CCSER1: variants seen among roughly 807,000 people sequenced by gnomAD.
The protein encoded by CCSER1 is coiled-coil serine rich protein 1.
A neutral mutation model predicts 82.0 loss-of-function variants in CCSER1; 41 were observed. The ratio of observed to expected loss-of-function variants is 0.50; its 90% confidence interval spans 0.39 to 0.65. The LOEUF (loss-of-function observed/expected upper bound fraction) is 0.65. Ranked by LOEUF, CCSER1 falls within the 30% of genes least tolerant of loss-of-function variation. The pLI, the probability that CCSER1 is intolerant of heterozygous loss-of-function variation, is 0.00. For synonymous variants in CCSER1, 414 were observed against 383.9 expected, an observed-to-expected ratio of 1.08 and a Z score of -0.92; for missense variants, 1,119 against 1,064.2, an observed-to-expected ratio of 1.05 and a Z score of -0.72.
chr4:90,663,228 T>G (rs1731141213), intron 6 of CCSER1, among the ~76,000 whole-genome samples: 1 of 152,226 alleles, frequency 6.6e-6, no homozygotes, highest in African/African-American at 2.4e-5. Context: ...TTTCTATACC[T>G]TGTAAACATT....
chr4:91,226,828 T>G, intron 10 of CCSER1, among the ~76,000 whole-genome samples: 1 of 151,908 alleles, frequency 6.6e-6, no homozygotes, highest in East Asian at 1.9e-4. Context: ...TTTAGAGCAT[T>G]ATATACTTTC....
chr4:91,510,771 G>A (rs1402548412), intron 10 of CCSER1, among the ~76,000 whole-genome samples: 1 of 152,032 alleles, frequency 6.6e-6, no homozygotes, highest in African/African-American at 2.4e-5. Context: ...CATTCTATAG[G>A]TTGTATACTC....
chr4:90,850,576 C>T (rs749612482), intron 8 of CCSER1, among the ~76,000 whole-genome samples: 3 of 152,220 alleles, frequency 2.0e-5, no homozygotes, highest in Non-Finnish European at 2.9e-5. Context: ...GGTTTAATGA[C>T]TGCCCTATTA....
At chr4:90,183,021 C>T (rs1354266185) in intron 1 of CCSER1, among the ~76,000 whole-genome samples, 1 of 151,834 alleles carries the variant, frequency 6.6e-6, no homozygotes, top group Non-Finnish European at 1.5e-5. Context: ...GTTTTATCTC[C>T]TCAATTTTCT....
At chr4:90,489,837 C>A (rs1767692779) in intron 5 of CCSER1, among the ~76,000 whole-genome samples, 2 of 152,150 alleles carry the variant, frequency 1.3e-5, no homozygotes, top group Admixed American at 1.3e-4. Context: ...CATGTCCCTA[C>A]AAAGGACATG....
chr4:90,427,561 C>T (rs1757698133), intron 4 of CCSER1, among the ~76,000 whole-genome samples: 1 of 151,526 alleles, frequency 6.6e-6, no homozygotes, highest in African/African-American at 2.4e-5. Flanking sequence ...CATTCACTAT[C>T]TAATTGTTGT....
At position 90,714,249 on chromosome 4, in the gene CCSER1, C is replaced by T. The variant is rs140988329; in HGVS notation, c.1933-9665C>T. Among the ~76,000 whole-genome samples the T allele has an allele frequency of 6.6e-3, 1,006 of 151,790 alleles. 11 individuals are homozygous for T. Among genetic ancestry groups the T allele is most frequent in the African/African-American group, 0.023 (971 of 41,404 alleles). ...TTGTTCCTTTTTCTATCTATTTATT[C>T]GTTTATTCCTTTTTCTAGTTTGTAC... On this transcript the variant is annotated intron_variant, in intron 6 of 10. Coordinates refer to ENST00000509176, the MANE Select transcript of CCSER1 (RefSeq NM_001145065.2).
At chr4:90,494,873 T>A (rs1768731743) in intron 5 of CCSER1, among the ~76,000 whole-genome samples, 1 of 151,552 alleles carries the variant, frequency 6.6e-6, no homozygotes, top group Admixed American at 6.6e-5. Flanking sequence ...TTTTTTTTCC[T>A]TCAAAATACT....
intron 3 of CCSER1, among the ~76,000 whole-genome samples, chr4:90,391,287 G>A (rs7693239): frequency 0.23 from 15,719 of 68,622 alleles, 2,623 homozygotes; most frequent in African/African-American, 0.62. Context: ...AAAAAAAAAA[G>A]AAAAAAAAAG....
At chr4:90,446,892 C>T (rs1352513668) in intron 4 of CCSER1, among the ~76,000 whole-genome samples, 2 of 152,164 alleles carry the variant, frequency 1.3e-5, no homozygotes, top group African/African-American at 2.4e-5. Context: ...TGATCCACTT[C>T]CACTCAATAC....
intron 2 of CCSER1, among the ~76,000 whole-genome samples, chr4:90,310,038 T>C (rs1004474045): frequency 7.2e-5 from 11 of 152,136 alleles, no homozygotes; most frequent in African/African-American, 2.4e-4. Flanking sequence ...CACTATAAAA[T>C]TTGTATAATT....
chr4:91,023,447 A>G (rs1740195216), intron 9 of CCSER1, among the ~76,000 whole-genome samples: 1 of 152,212 alleles, frequency 6.6e-6, no homozygotes, highest in Non-Finnish European at 1.5e-5. Context: ...TGGTACTGGT[A>G]CCAAAACAGA....
chr4:90,345,926 C>G lies in CCSER1; in HGVS notation c.1509+32879C>G, dbSNP rs1579303381. Among the ~76,000 whole-genome samples the G allele has an allele frequency of 2.0e-5, 3 of 152,102 alleles. No homozygotes were observed. The South Asian group carries it at 6.2e-4, about 32-fold the overall frequency. On this transcript the variant is annotated intron_variant, in intron 3 of 10. Coordinates refer to ENST00000509176, the MANE Select transcript of CCSER1 (RefSeq NM_001145065.2). The stretch of plus-strand genomic sequence containing the variant: ...AGAGAAAAAGTATTTTATTTTTTCT[C>G]TATAGGCTGTGATGGTTTTGGCTCT...
At chr4:90,997,488 G>T (rs1737602459) in intron 9 of CCSER1, among the ~76,000 whole-genome samples, 1 of 152,094 alleles carries the variant, frequency 6.6e-6, no homozygotes, top group Non-Finnish European at 1.5e-5. Flanking sequence ...TATAAGTAAA[G>T]TAACATATTT....
chr4:90,664,671 C>A (rs187787258), intron 6 of CCSER1, among the ~76,000 whole-genome samples: 1 of 152,236 alleles, frequency 6.6e-6, no homozygotes, highest in Admixed American at 6.5e-5. Flanking sequence ...GAGGCCAAGG[C>A]GGGTGGATCA....
chr4:90,494,371 G>T (rs570008622), intron 5 of CCSER1, among the ~76,000 whole-genome samples: 4 of 152,056 alleles, frequency 2.6e-5, no homozygotes, highest in Non-Finnish European at 5.9e-5. Flanking sequence ...CAGAAAGTTA[G>T]CGAGGATATC....
chr4:90,378,752 G>A (rs1748750849), intron 3 of CCSER1, among the ~76,000 whole-genome samples: 1 of 152,088 alleles, frequency 6.6e-6, no homozygotes, highest in Non-Finnish European at 1.5e-5. Flanking sequence ...AGTTGTTTAG[G>A]TTATTATTTT....
At position 91,079,152 on chromosome 4, in the gene CCSER1, G is replaced by A. The variant is rs189035305; in HGVS notation, c.2173-6798G>A. 8.3e-3 allele frequency among the ~76,000 whole-genome samples: 1,267 copies of A among 152,152 alleles called. 12 individuals carry two copies. Among genetic ancestry groups the A allele is most frequent in the African/African-American group, 0.029 (1,217 of 41,526 alleles). Reference sequence around the variant, plus strand: ...CAGATTCACCAAAGTTGAAACAAAGGAAAAAAGGTTAAGGGCAGCCAGACA... The same window carrying A: ...CAGATTCACCAAAGTTGAAACAAAGAAAAAAAGGTTAAGGGCAGCCAGACA... On this transcript the variant is annotated intron_variant, in intron 9 of 10. Coordinates refer to ENST00000509176, the MANE Select transcript of CCSER1 (RefSeq NM_001145065.2).
intron 10 of CCSER1, among the ~76,000 whole-genome samples, chr4:91,594,893 T>A: frequency 6.6e-6 from 1 of 152,076 alleles, no homozygotes; most frequent in East Asian, 1.9e-4. Context: ...AATAGGGTAA[T>A]TAGTGTAGTG....
Sources: allele counts gnomAD v4.1 joint callset (sites outside exome capture counted in the v4.1 genomes callset), GRCh38; gene constraint gnomAD v4.1.1; transcripts MANE v1.5; gene names NCBI Gene and HGNC (gene_info 2026-07-23, HGNC 2026-07-21).